The following NIPAL3 variants were observed in gnomAD, a reference collection of about 807,000 sequenced individuals.
NIPAL3 encodes the protein NIPA like domain containing 3.
Under a neutral mutation model 47.2 loss-of-function variants are expected in NIPAL3, and 41 were observed. The observed-to-expected ratio is 0.87, with a 90% CI of 0.68 to 1.13. The LOEUF (loss-of-function observed/expected upper bound fraction) is 1.13, where lower values mean the gene tolerates loss of function less well. Among genes scored for constraint, NIPAL3 ranks in the 50% most tolerant of loss-of-function variants. The pLI is 0.00. For synonymous variants in NIPAL3, 194 were observed against 209.6 expected, an observed-to-expected ratio of 0.93 and a Z score of 0.64; for missense variants, 449 against 530.1, an observed-to-expected ratio of 0.85 and a Z score of 1.50.
chr1:24,453,259 G>A (rs753132205), intron 6 of NIPAL3, 149 bp from the exon 7 acceptor site: 18 of 620,282 alleles, frequency 2.9e-5, no homozygotes, highest in Non-Finnish European at 4.1e-5. Context: ...TCCCCTGAAC[G>A]TCTAACAGTA....
chr1:24,442,913 T>A (rs2148811765), intron 4 of NIPAL3, among the ~76,000 whole-genome samples: 1 of 152,330 alleles, frequency 6.6e-6, no homozygotes, highest in South Asian at 2.1e-4. Flanking sequence ...AGTGCTGCAG[T>A]GAGCTTTGAT....
chr1:24,463,962 A>G, intron 10 of NIPAL3, 64 bp from the exon 11 acceptor site: 1 of 1,392,340 alleles, frequency 7.2e-7, no homozygotes. Flanking sequence ...CTGAGCCTGA[A>G]AGTGTGCCTG....
chr1:24,440,075 T>C, intron 2 of NIPAL3, 97 bp from the exon 3 acceptor site: 1 of 718,482 alleles, frequency 1.4e-6, no homozygotes. Context: ...TTTTTCTGGT[T>C]TTGTTTTGGG....
chr1:24,460,674 T>C, intron 10 of NIPAL3, 130 bp downstream of exon 10: 1 of 695,358 alleles, frequency 1.4e-6, no homozygotes, highest in Non-Finnish European at 2.3e-6. Flanking sequence ...GTTTTGGAGC[T>C]TTGTCCCCAG....
chr1:24,446,064 A>G (rs1403173929), intron 5 of NIPAL3, among the ~76,000 whole-genome samples: 1 of 72,720 alleles, frequency 1.4e-5, no homozygotes, highest in East Asian at 4.6e-4. Flanking sequence ...CACAGAGATT[A>G]TAGTCGTGTG....
chr1:24,435,284 T>G (rs1645049077), intron 2 of NIPAL3, among the ~76,000 whole-genome samples: 1 of 152,244 alleles, frequency 6.6e-6, no homozygotes, highest in Non-Finnish European at 1.5e-5. Context: ...GAGCTAAATG[T>G]AAGAGCTAAA....
At position 24,454,225 on chromosome 1, in the gene NIPAL3, T is replaced by C; in HGVS notation, c.637+721T>C. ...ATATAATTTTATAGCTAAATAGAGC[T>C]GTGGGGAATCCATCCTTCCTGAGGA... On this transcript the variant is annotated intron_variant, in intron 7 of 11. Coordinates refer to ENST00000374399, the MANE Select transcript of NIPAL3 (RefSeq NM_020448.5). The surrounding 1 kb of genome is among the most constrained non-coding windows in gnomAD (Gnocchi z 4.1). 1 of 1,184,872 alleles carries C rather than the reference T, an allele frequency of 8.4e-7. No individual in the cohort carries two copies. Among genetic ancestry groups the C allele is most frequent in the Non-Finnish European group, 1.1e-6 (1 of 942,208 alleles). 73.4% of individuals were successfully genotyped at this position (1,184,872 alleles called of 1,614,324 possible).
At chr1:24,446,826 T>A (rs1489335690) in intron 5 of NIPAL3, among the ~76,000 whole-genome samples, 2 of 152,230 alleles carry the variant, frequency 1.3e-5, no homozygotes, top group Non-Finnish European at 2.9e-5. Context: ...TTTCTACCTC[T>A]AGGACTTTGA....
In NIPAL3 at chr1:24,440,101, G is replaced by A. The variant is rs1645304092; in HGVS notation, c.94-71G>A. ...TTGTTTTGGGGCAGCAAATGGTTGA[G>A]TGTCAGAAGTGTCCTGGGGCCCCCT... On this transcript the variant is annotated intron_variant, in intron 2 of 11. Coordinates refer to ENST00000374399, the MANE Select transcript of NIPAL3 (RefSeq NM_020448.5). The A allele has an allele frequency of 4.8e-6, 5 of 1,048,224 alleles. No homozygotes were observed. The South Asian group carries it at 9.5e-5, about 20-fold the overall frequency. The allele number at this position is 1,048,224 out of a possible 1,614,324, so 64.9% of individuals were successfully genotyped here.
At chr1:24,429,674 T>C (rs1644789319) in intron 2 of NIPAL3, among the ~76,000 whole-genome samples, 1 of 152,236 alleles carries the variant, frequency 6.6e-6, no homozygotes, top group African/African-American at 2.4e-5. Flanking sequence ...CTTGATTGGC[T>C]ACAGATAGGT....
chr1:24,427,998 A>G (rs1327961153), intron 2 of NIPAL3, among the ~76,000 whole-genome samples: 1 of 152,132 alleles, frequency 6.6e-6, no homozygotes, highest in Non-Finnish European at 1.5e-5. Flanking sequence ...GTAATCCCAG[A>G]ACTCTGGAAG....
chr1:24,429,720 C>T (rs933296419), intron 2 of NIPAL3, among the ~76,000 whole-genome samples: 1 of 152,158 alleles, frequency 6.6e-6, no homozygotes, highest in African/African-American at 2.4e-5. Flanking sequence ...AGGAAAGTCC[C>T]TAGTTAGAGG....
Position 24,445,302 on chromosome 1 carries a change from G to A in NIPAL3, c.394+58G>A, listed in dbSNP as rs148899776. The A allele has an allele frequency of 9.9e-4, 1,200 of 1,212,576 alleles. 14 individuals carry two copies. The African/African-American group carries it at 0.015, about 15-fold the overall frequency. 75.1% of individuals were successfully genotyped at this position (1,212,576 alleles called of 1,614,324 possible). A position where few individuals can be genotyped will look rare whatever the true frequency, so the allele number is the denominator to read the frequency against. On this transcript the variant is annotated intron_variant, in intron 5 of 11. Transcript: ENST00000374399. ...TTTATATGAACGCTTTTTATTAATTGTAAAACCAGTTCACTCTAATTCAGA... is the reference window on the plus strand; with the variant it reads ...TTTATATGAACGCTTTTTATTAATTATAAAACCAGTTCACTCTAATTCAGA...
chr1:24,447,368 T>C (rs1446224506), intron 5 of NIPAL3, among the ~76,000 whole-genome samples: 1 of 152,202 alleles, frequency 6.6e-6, no homozygotes, highest in Non-Finnish European at 1.5e-5. Context: ...GTTGGGACTA[T>C]GGGTACTCAC....
rs748145016 is a variant in NIPAL3, at chr1:24,449,526, G to T, written c.440G>T (p.Gly147Val). The T allele has an allele frequency of 1.9e-6, 3 of 1,614,024 alleles. No homozygotes were observed. The change falls in exon 6 of 12, where the codon GGT becomes GTT. Residue 147 changes from glycine to valine, a missense_variant. By Grantham distance (109) the Gly-to-Val change is moderately radical. Coordinates refer to ENST00000374399, the MANE Select transcript of NIPAL3 (RefSeq NM_020448.5). The surrounding 1 kb of genome is among the most constrained non-coding windows in gnomAD (Gnocchi z 4.5). Reference protein sequence around the residue: ...SFVGCGLAVVGTYLLVTFAPN... With the variant: ...SFVGCGLAVVVTYLLVTFAPN... ...GTTGGCTGCGGTTTGGCTGTCGTGGGTACCTACCTGCTGGTGACATTCGCA... is the reference window on the plus strand; with the variant it reads ...GTTGGCTGCGGTTTGGCTGTCGTGGTTACCTACCTGCTGGTGACATTCGCA...
At chr1:24,463,727 C>T (rs1646575483) in intron 10 of NIPAL3, among the ~76,000 whole-genome samples, 2 of 152,102 alleles carry the variant, frequency 1.3e-5, no homozygotes, top group Non-Finnish European at 2.9e-5. Context: ...TCCGAGAATC[C>T]TGATTGAATG....
At chr1:24,435,734 G>A (rs1189400135) in intron 2 of NIPAL3, among the ~76,000 whole-genome samples, 1 of 152,196 alleles carries the variant, frequency 6.6e-6, no homozygotes, top group African/African-American at 2.4e-5. Context: ...TGTGGTCTCC[G>A]TTGACACCAT....
chr1:24,438,103 C>T (rs926070272), intron 2 of NIPAL3, among the ~76,000 whole-genome samples: 1 of 152,138 alleles, frequency 6.6e-6, no homozygotes, highest in African/African-American at 2.4e-5. Flanking sequence ...GCTTTTCTTG[C>T]CTTGGCACCC....
chr1:24,451,697 C>T lies in NIPAL3; in HGVS notation c.541-1711C>T, dbSNP rs901777133. ...CCAGCCTGAGTGACACAGTGAGACC[C>T]TGTCTCAAAAAAAGAAAAAGAAAAA... On this transcript the variant is annotated intron_variant, in intron 6 of 11. Transcript: ENST00000374399. The surrounding 1 kb of genome is among the most constrained non-coding windows in gnomAD (Gnocchi z 4.5). 4.6e-5 allele frequency among the ~76,000 whole-genome samples: 7 copies of T among 151,644 alleles called. No individual in the cohort carries two copies. The highest frequency in any genetic ancestry group is 1.3e-4 in the Admixed American group (2 of 15,210).
Sources: gnomAD v4.1 joint callset for allele counts (sites outside exome capture counted in the v4.1 genomes callset) on GRCh38, gnomAD v4.1.1 for gene constraint, Gnocchi (gnomAD v3.1) non-coding constraint, MANE v1.5 for transcripts, NCBI Gene and HGNC (gene_info 2026-07-23, HGNC 2026-07-21) for gene names.